The following TTC7B variants were observed in gnomAD, a reference collection of about 807,000 sequenced individuals.
TTC7B encodes the protein tetratricopeptide repeat domain 7B, also known as tetratricopeptide repeat protein 7B.
Under a neutral mutation model 106.8 loss-of-function variants are expected in TTC7B, and 28 were observed. The ratio of observed to expected loss-of-function variants is 0.26; its 90% CI spans 0.19 to 0.36. The LOEUF (loss-of-function observed/expected upper bound fraction) is 0.36, where lower values mean the gene tolerates loss of function less well. TTC7B is among the 10% of genes least tolerant of loss of function. The probability of loss-of-function intolerance (pLI) is 1.00; values close to 1 mark genes in which losing one functional copy is unlikely to be tolerated. For synonymous variants in TTC7B, 405 were observed against 430.6 expected, an observed-to-expected ratio of 0.94 and a Z score of 0.74; for missense variants, 862 against 1,076.4, an observed-to-expected ratio of 0.80 and a Z score of 2.79.
intron 16 of TTC7B, among the ~76,000 whole-genome samples, chr14:90,613,482 G>A (rs942788512): frequency 1.3e-5 from 2 of 152,176 alleles, no homozygotes; most frequent in Non-Finnish European, 2.9e-5. Flanking sequence ...CATTTACATG[G>A]TATAGAGTCT....
At chr14:90,690,496 G>A (rs996671815) in intron 6 of TTC7B, among the ~76,000 whole-genome samples, 8 of 152,190 alleles carry the variant, frequency 5.3e-5, no homozygotes, top group African/African-American at 1.9e-4. Flanking sequence ...TATAATGTAT[G>A]GGGGAAAAGA....
intron 2 of TTC7B, among the ~76,000 whole-genome samples, chr14:90,782,701 C>A (rs1323207551): frequency 6.6e-6 from 1 of 152,186 alleles, no homozygotes; most frequent in Non-Finnish European, 1.5e-5. Context: ...AGTCTACCCT[C>A]CTTCCCCAAG....
Position 90,595,259 on chromosome 14 carries a change from G to C in TTC7B, c.1967-1633C>G, listed in dbSNP as rs537931189. On this transcript the variant is annotated intron_variant, in intron 17 of 19. Transcript: ENST00000328459. ...GAGGCAGGAGAATTGCTTGAACCCA[G>C]GAGGCAGAGCTTGCAGTGAGCCGAG... is the stretch of plus-strand genomic sequence containing the variant. 1.3e-3 allele frequency among the ~76,000 whole-genome samples: 202 copies of C among 152,256 alleles called. 1 individual carries two copies. The highest frequency in any genetic ancestry group is 4.6e-3 in the African/African-American group (190 of 41,552).
At chr14:90,711,287 T>C (rs1888434598) in intron 5 of TTC7B, among the ~76,000 whole-genome samples, 1 of 152,244 alleles carries the variant, frequency 6.6e-6, no homozygotes, top group African/African-American at 2.4e-5. Context: ...ATATATTACA[T>C]TGTTTTTATA....
Position 90,593,537 on chromosome 14 carries a change from G to C in TTC7B, c.2056C>G (p.Gln686Glu). ...ASSLQSSAPK[Q>E]GPLHPWMTLA... is the part of the protein sequence containing the mutation. The stretch of plus-strand genomic sequence containing the variant: ...GTCATCCAGGGGTGCAGCGGGCCCT[G>C]CTTAGGGGCACTGCTCTGCAGAGAC... The change falls in exon 18 of 20, where the codon CAG becomes GAG. Residue 686 changes from glutamine (Q) to glutamate (E), a missense_variant. Transcript: ENST00000328459. The C allele has an allele frequency of 6.2e-7, 1 of 1,611,476 alleles. No individual in the cohort carries two copies. The highest frequency in any genetic ancestry group is 8.5e-7 in the Non-Finnish European group (1 of 1,178,498).
At position 90,530,217 on chromosome 14, in the gene TTC7B, G is replaced by C. The variant is rs546693115; in HGVS notation, c.*11151C>G. 1 of 152,190 alleles carries C rather than the reference G, an allele frequency of 6.6e-6. No individual in the cohort carries two copies. 9.4% of individuals were successfully genotyped at this position (152,190 alleles called of 1,614,324 possible). A position where few individuals can be genotyped will look rare whatever the true frequency, so the allele number is the denominator to read the frequency against. On this transcript the variant is annotated 3_prime_UTR_variant, in exon 20 of 20. Coordinates refer to ENST00000328459, the MANE Select transcript of TTC7B (RefSeq NM_001010854.2). ...CGGGAGGTGGAGGTTGCAGTGAGCC[G>C]AGATCGCACCACTGCACTCCAGCCT...
At chr14:90,772,006 A>G (rs1376788415) in intron 3 of TTC7B, among the ~76,000 whole-genome samples, 1 of 146,178 alleles carries the variant, frequency 6.8e-6, no homozygotes, top group African/African-American at 2.5e-5. Flanking sequence ...TATATATATT[A>G]TAAATAAAGA....
intron 3 of TTC7B, among the ~76,000 whole-genome samples, chr14:90,756,043 T>C (rs1890282891): frequency 6.6e-6 from 1 of 152,268 alleles, no homozygotes. Context: ...GTTCACATTT[T>C]GGCACAGAGC....
intron 3 of TTC7B, among the ~76,000 whole-genome samples, chr14:90,778,558 G>A (rs892611249): frequency 6.6e-6 from 1 of 151,852 alleles, no homozygotes; most frequent in Non-Finnish European, 1.5e-5. Context: ...GCCAGATGAT[G>A]CTTTGCTGTG....
chr14:90,556,178 G>A (rs1566767557), intron 19 of TTC7B, among the ~76,000 whole-genome samples: 1 of 152,238 alleles, frequency 6.6e-6, no homozygotes, highest in Non-Finnish European at 1.5e-5. Context: ...GCTGGGTGGG[G>A]GCCCCGTGGG....
chr14:90,646,666 T>C (rs1885469544), intron 14 of TTC7B: 1 of 412,602 alleles, frequency 2.4e-6, no homozygotes, highest in Non-Finnish European at 4.5e-6. Flanking sequence ...TCAGGGTATA[T>C]GCCATGTGCT....
At chr14:90,583,179 G>T (rs907676000) in intron 18 of TTC7B, among the ~76,000 whole-genome samples, 1 of 152,192 alleles carries the variant, frequency 6.6e-6, no homozygotes, top group African/African-American at 2.4e-5. Flanking sequence ...AGGAAGAAAA[G>T]AATATCATTT....
chr14:90,602,960 C>G (rs1208193045), intron 17 of TTC7B, among the ~76,000 whole-genome samples: 1 of 152,194 alleles, frequency 6.6e-6, no homozygotes. Context: ...GCCAGGAGTG[C>G]TTCTCACCAC....
chr14:90,588,810 T>A (rs73326807), intron 18 of TTC7B, among the ~76,000 whole-genome samples: 4,573 of 148,960 alleles, frequency 0.031, 223 homozygotes, highest in African/African-American at 0.11. Context: ...GCTTTCCAAA[T>A]ATCATGGGAG....
chr14:90,767,166 C>CTGTG (rs1890717961), intron 3 of TTC7B, among the ~76,000 whole-genome samples: 2 of 152,170 alleles, frequency 1.3e-5, no homozygotes, highest in East Asian at 3.9e-4. Flanking sequence ...TTACAGTGAG[C>CTGTG]TGTGATAGTG....
At chr14:90,723,870 G>A (rs1888988542) in intron 5 of TTC7B, among the ~76,000 whole-genome samples, 1 of 152,142 alleles carries the variant, frequency 6.6e-6, no homozygotes, top group African/African-American at 2.4e-5. Context: ...CTAGTACTGA[G>A]CACAGTACTT....
chr14:90,558,892 CA>C (rs1243235750), intron 19 of TTC7B, among the ~76,000 whole-genome samples: 47 of 152,338 alleles, frequency 3.1e-4, no homozygotes, highest in Non-Finnish European at 1.0e-4. Flanking sequence ...AGGGCTGGAG[CA>C]GAGGTGACAG....
intron 18 of TTC7B, among the ~76,000 whole-genome samples, chr14:90,586,390 C>T (rs1891715906): frequency 6.6e-6 from 1 of 152,202 alleles, no homozygotes; most frequent in Non-Finnish European, 1.5e-5. Flanking sequence ...CCTGCCTCAG[C>T]CTCCCGAGTA....
intron 1 of TTC7B, among the ~76,000 whole-genome samples, chr14:90,812,911 G>T (rs1035340827): frequency 5.9e-5 from 9 of 151,354 alleles, no homozygotes; most frequent in Admixed American, 4.6e-4. Flanking sequence ...AGTCCTTAAC[G>T]GGGAGGGGCT....
Sources: gnomAD v4.1 joint callset for allele counts (sites outside exome capture counted in the v4.1 genomes callset) on GRCh38, gnomAD v4.1.1 for gene constraint, MANE v1.5 for transcripts, NCBI Gene and HGNC (gene_info 2026-07-23, HGNC 2026-07-21) for gene names.